PLPBP: variants seen among roughly 807,000 people sequenced by gnomAD.
PLPBP encodes pyridoxal phosphate binding protein.
In PLPBP, 21 loss-of-function variants were observed where a neutral mutation model predicts 31.2. The ratio of observed to expected loss-of-function variants is 0.67; its 90% CI spans 0.48 to 0.97. The LOEUF (loss-of-function observed/expected upper bound fraction) is 0.97, where lower values mean the gene tolerates loss of function less well. Among genes scored for constraint, PLPBP ranks in the 50% least tolerant of loss-of-function variants. The pLI is 0.00. For missense variants in PLPBP, 308 were observed against 354.4 expected (o/e 0.87, Z 1.05); for synonymous variants, 124 against 135.6 (o/e 0.91, Z 0.59).
At chr8:37,777,403 C>A (rs1182748861) in intron 7 of PLPBP, among the ~76,000 whole-genome samples, 2 of 152,072 alleles carry the variant, frequency 1.3e-5, no homozygotes, top group African/African-American at 4.8e-5. Context: ...GTCTAATGTC[C>A]TTGACCCCCT....
chr8:37,766,147 G>A, intron 3 of PLPBP, 133 bp from the exon 4 acceptor site: 7 of 699,430 alleles, frequency 1.0e-5, no homozygotes, highest in South Asian at 7.9e-5. Context: ...GAGGCCGGGT[G>A]AAGATTGTGA....
intron 7 of PLPBP, among the ~76,000 whole-genome samples, chr8:37,777,415 C>T (rs1001279969): frequency 6.6e-6 from 1 of 152,110 alleles, no homozygotes; most frequent in African/African-American, 2.4e-5. Context: ...TGACCCCCTC[C>T]GAGCTGAGTG....
rs1007425927 is a variant in PLPBP at position 37,765,372 on chromosome 8, T to A, written c.100-154T>A. On this transcript the variant is annotated intron_variant, in intron 1 of 7. Transcript: ENST00000328195. Reference sequence around the variant, plus strand: ...AAACATTTGATCATGATCACCACTATTTGATATTGATCTGCCTACAGTGTT... The same window carrying A: ...AAACATTTGATCATGATCACCACTAATTGATATTGATCTGCCTACAGTGTT... The A allele has an allele frequency of 4.3e-6, 3 of 694,984 alleles. No homozygotes were observed. In the African/African-American group the frequency reaches 5.3e-5, roughly 12 times the overall value. 43.1% of individuals were successfully genotyped at this position (694,984 alleles called of 1,614,324 possible). A position where few individuals can be genotyped will look rare whatever the true frequency, so the allele number is the denominator to read the frequency against.
At position 37,771,262 on chromosome 8, in the gene PLPBP, G is replaced by A. The variant is rs1351265176; in HGVS notation, c.320-1493G>A. ...AGGAATTCTCCTACCTCAGCCTCCC[G>A]AGTAGCTGGGATTACAGGCATGTGC... On this transcript the variant is annotated intron_variant, in intron 4 of 7. Transcript: ENST00000328195. 3.3e-5 allele frequency among the ~76,000 whole-genome samples: 5 copies of A among 151,788 alleles called. 1 individual carries two copies. The highest frequency in any genetic ancestry group is 2.1e-4 in the South Asian group (1 of 4,814).
At chr8:37,768,559 G>A (rs757926400) in intron 4 of PLPBP, among the ~76,000 whole-genome samples, 25 of 136,576 alleles carry the variant, frequency 1.8e-4, no homozygotes, top group South Asian at 7.3e-4. Context: ...TGCAACCTCC[G>A]CTTCCCAGGT....
chr8:37,770,184 G>A (rs1005301648), intron 4 of PLPBP, among the ~76,000 whole-genome samples: 3 of 152,134 alleles, frequency 2.0e-5, no homozygotes, highest in East Asian at 1.9e-4. Context: ...AATAGCCAAA[G>A]CCATCCTGAG....
Position 37,776,024 on chromosome 8 carries a change from T to TCCTGCCAGTGC in PLPBP, c.696+13_696+23dup. On this transcript the variant is annotated intron_variant, in intron 7 of 7. Coordinates refer to ENST00000328195, the MANE Select transcript of PLPBP (RefSeq NM_007198.4). ...GCGGATTTCCAGCATGCGGTGAGTG[T>TCCTGCCAGTGC]CCTGCCAGTGCCCTGTCTGCCTCGA... 1 of 1,611,302 alleles carries TCCTGCCAGTGC rather than the reference T, an allele frequency of 6.2e-7. No individual in the cohort carries two copies. Among genetic ancestry groups the TCCTGCCAGTGC allele is most frequent in the South Asian group, 1.1e-5 (1 of 91,024 alleles).
chr8:37,774,201 A>G (rs1254272990), intron 5 of PLPBP, among the ~76,000 whole-genome samples: 3 of 151,976 alleles, frequency 2.0e-5, no homozygotes, highest in Non-Finnish European at 4.4e-5. Flanking sequence ...ACAGAGTTAG[A>G]CTCCATCTCA....
chr8:37,762,793 C>T, intron 1 of PLPBP, 35 bp downstream of exon 1: 4 of 1,534,230 alleles, frequency 2.6e-6, no homozygotes, highest in Non-Finnish European at 3.5e-6. Flanking sequence ...CGGTGGGCGG[C>T]CGCCTTGAGA....
chr8:37,765,464 A>T (rs985927935), intron 1 of PLPBP, 62 bp from the exon 2 acceptor site: 12 of 1,448,342 alleles, frequency 8.3e-6, no homozygotes, highest in Admixed American at 1.7e-5. Flanking sequence ...GATCTATCCT[A>T]TGGGATTCAT....
Position 37,772,846 on chromosome 8 carries a change from A to C in PLPBP, c.411A>C (p.Glu137Asp). 6.2e-7 allele frequency: 1 copy of C among 1,614,156 alleles called. No individual in the cohort carries two copies. Among genetic ancestry groups the C allele is most frequent in the Non-Finnish European group, 8.5e-7 (1 of 1,180,012 alleles). Reference sequence around the variant, plus strand: ...CCTGGCAGAGAAAAGGTTCTCCTGAAAGGTTAAAGGTTATGGTCCAGATTA... The same window carrying C: ...CCTGGCAGAGAAAAGGTTCTCCTGACAGGTTAAAGGTTATGGTCCAGATTA... ...NSSWQRKGSP[E>D]RLKVMVQINT... Residue 137 changes from glutamate to aspartate, a missense_variant, in exon 5 of 8, where the codon GAA (glutamate) becomes GAC (aspartate). Physicochemically the swap from Glu to Asp is conservative, Grantham distance 45. Transcript: ENST00000328195.
rs79077193 is a variant in PLPBP at position 37,779,675 on chromosome 8, G to C, written c.*1571G>C. The C allele has an allele frequency of 2.1e-3, 314 of 152,794 alleles. 5 individuals are homozygous for C. The highest frequency in any genetic ancestry group is 0.019 in the East Asian group (99 of 5,192). The allele number at this position is 152,794 out of a possible 1,614,324, so 9.5% of individuals were successfully genotyped here. Reference sequence around the variant, plus strand: ...CTGTATTATTTCAGTGAGAGCTACAGTGTGATATTTCAGAGTCTATTAAAT... The same window carrying C: ...CTGTATTATTTCAGTGAGAGCTACACTGTGATATTTCAGAGTCTATTAAAT... On this transcript the variant is annotated 3_prime_UTR_variant, in exon 8 of 8. Coordinates refer to ENST00000328195, the MANE Select transcript of PLPBP (RefSeq NM_007198.4).
At chr8:37,764,071 C>CTTT (rs111913973) in intron 1 of PLPBP, among the ~76,000 whole-genome samples, 8 of 126,882 alleles carry the variant, frequency 6.3e-5, no homozygotes, top group South Asian at 2.6e-4. Context: ...TCTTTTCTTT[C>CTTT]TTTTTTTTTT....
intron 4 of PLPBP, among the ~76,000 whole-genome samples, chr8:37,767,558 T>C (rs147145026): frequency 4.6e-5 from 7 of 152,222 alleles, no homozygotes; most frequent in Non-Finnish European, 4.4e-5. Context: ...ATTGTATAAG[T>C]ATATTACAAT....
Position 37,772,759 on chromosome 8 carries a change from C to T in PLPBP, c.324C>T (p.Val108=), listed in dbSNP as rs751983888. Residue 108 remains valine (V), a synonymous_variant, in exon 5 of 8, where the codon GTC becomes GTT. Transcript: ENST00000328195. ...TTTGCCTCTGTCTCATTACAGCTGT[C>T]CCCAATCTCTTCATGCTGGAAACAG... ...QKQNVNKLMA[V]PNLFMLETVD... is the part of the protein sequence containing the mutation. 4.3e-6 allele frequency: 7 copies of T among 1,614,036 alleles called. No homozygotes were observed. The highest frequency in any genetic ancestry group is 4.2e-6 in the Non-Finnish European group (5 of 1,180,020).
At chr8:37,770,534 A>G (rs1383115303) in intron 4 of PLPBP, among the ~76,000 whole-genome samples, 1 of 152,148 alleles carries the variant, frequency 6.6e-6, no homozygotes, top group Non-Finnish European at 1.5e-5. Flanking sequence ...CTAAAAGAAA[A>G]CATTGGGGAA....
chr8:37,765,781 A>G (rs766180042), intron 3 of PLPBP, 35 bp downstream of exon 3: 52 of 1,600,252 alleles, frequency 3.2e-5, no homozygotes, highest in Middle Eastern at 1.7e-4. Flanking sequence ...ATTTGTATCT[A>G]AATCTTGGCT....
intron 5 of PLPBP, 22 bp downstream of exon 5, chr8:37,772,911 G>T (rs1047864443): frequency 3.7e-6 from 6 of 1,613,510 alleles, no homozygotes; most frequent in Non-Finnish European, 5.1e-6. Flanking sequence ...GACCTGAATT[G>T]TAGATTTTTC....
rs1031561330 is a variant in PLPBP, at chr8:37,779,552, T to C, written c.*1448T>C. 1.3e-5 allele frequency: 2 copies of C among 152,550 alleles called. No individual in the cohort carries two copies. Among genetic ancestry groups the C allele is most frequent in the African/African-American group, 4.8e-5 (2 of 41,448 alleles). 9.4% of individuals were successfully genotyped at this position (152,550 alleles called of 1,614,324 possible). ...TTTTTATTTTCCAGATGGCTTTTTCTCTTATTTTTTGAAGCCCCAGTCTTT... is the reference window on the plus strand; with the variant it reads ...TTTTTATTTTCCAGATGGCTTTTTCCCTTATTTTTTGAAGCCCCAGTCTTT... On this transcript the variant is annotated 3_prime_UTR_variant, in exon 8 of 8. Transcript: ENST00000328195.
Sources: allele counts gnomAD v4.1 joint callset (sites outside exome capture counted in the v4.1 genomes callset), GRCh38; gene constraint gnomAD v4.1.1; transcripts MANE v1.5; gene names NCBI Gene and HGNC (gene_info 2026-07-23, HGNC 2026-07-21).